The following DOCK2 variants were observed in gnomAD, a reference collection of about 807,000 sequenced individuals.
DOCK2 encodes dedicator of cytokinesis protein 2.
Under a neutral mutation model 248.9 loss-of-function variants are expected in DOCK2, and 87 were observed. The observed-to-expected ratio is 0.35, with a 90% CI of 0.29 to 0.42. DOCK2 has a LOEUF of 0.42. DOCK2 is among the 10% of genes least tolerant of loss of function. The probability of loss-of-function intolerance (pLI) is 1.00; values close to 1 mark genes in which losing one functional copy is unlikely to be tolerated. For missense variants in DOCK2, 1,747 were observed against 2,300.2 expected (o/e 0.76, Z 4.92); for synonymous variants, 805 against 821.6 (o/e 0.98, Z 0.35).
intron 27 of DOCK2, among the ~76,000 whole-genome samples, chr5:169,959,236 C>CA (rs555651142): frequency 9.2e-5 from 14 of 151,518 alleles, no homozygotes; most frequent in East Asian, 1.9e-4. Flanking sequence ...ACTAAAAATA[C>CA]AAAAAAAATA....
intron 32 of DOCK2, among the ~76,000 whole-genome samples, chr5:170,015,787 TC>T (rs1311181264): frequency 1.3e-5 from 2 of 149,388 alleles, no homozygotes; most frequent in Non-Finnish European, 3.0e-5. Context: ...AAAGCCTCCC[TC>T]CCTCCCTCCT....
At chr5:169,945,225 C>A (rs1776397797) in intron 27 of DOCK2, among the ~76,000 whole-genome samples, 1 of 152,222 alleles carries the variant, frequency 6.6e-6, no homozygotes, top group Admixed American at 6.5e-5. Flanking sequence ...AGTCATGCAA[C>A]CTCTCCAGGA....
At chr5:169,996,997 A>G (rs997384537) in intron 30 of DOCK2, among the ~76,000 whole-genome samples, 1 of 152,110 alleles carries the variant, frequency 6.6e-6, no homozygotes, top group African/African-American at 2.4e-5. Context: ...CCGGGGAACC[A>G]GTGTTCAGCA....
chr5:169,690,858 T>C (rs946449674), intron 9 of DOCK2, among the ~76,000 whole-genome samples: 1 of 152,186 alleles, frequency 6.6e-6, no homozygotes, highest in Non-Finnish European at 1.5e-5. Flanking sequence ...CCTCCGCTCC[T>C]CAGAACAAGT....
chr5:169,803,176 C>T lies in DOCK2; in HGVS notation c.2673C>T (p.Ser891=). 6.2e-7 allele frequency: 1 copy of T among 1,613,960 alleles called. No individual in the cohort carries two copies. The highest frequency in any genetic ancestry group is 8.5e-7 in the Non-Finnish European group (1 of 1,179,942). Residue 891 remains serine, a synonymous_variant, in exon 26 of 52, where the codon AGC becomes AGT. Transcript: ENST00000520908. ...AGTACTGCGTTGAATTGCTCAACAG[C>T]ATCTTGGAAGTCCTTAGCTACCAGG... The part of the protein sequence containing the change: ...ERKYCVELLN[S]ILEVLSYQDA...
In DOCK2 at chr5:169,698,456, C is replaced by T; in HGVS notation, c.1055+7C>T. 2 of 1,613,802 alleles carry T rather than the reference C, an allele frequency of 1.2e-6. No individual in the cohort carries two copies. The highest frequency in any genetic ancestry group is 1.7e-6 in the Non-Finnish European group (2 of 1,179,726). The stretch of plus-strand genomic sequence containing the variant: ...ACTTCATTCCTTTTCACCCGTAAGA[C>T]ATTTCCCATTTCTTTCCATTCTCTT... On this transcript the variant is annotated splice_region_variant and intron_variant, in intron 11 of 51. Coordinates refer to ENST00000520908, the MANE Select transcript of DOCK2 (RefSeq NM_004946.3).
intron 27 of DOCK2, among the ~76,000 whole-genome samples, chr5:169,948,782 A>G (rs1679441378): frequency 6.6e-6 from 1 of 151,696 alleles, no homozygotes; most frequent in African/African-American, 2.4e-5. Flanking sequence ...CTGGCTCACA[A>G]CTACTTTCTG....
intron 27 of DOCK2, among the ~76,000 whole-genome samples, chr5:169,881,011 G>A (rs1772610728): frequency 6.6e-6 from 1 of 152,198 alleles, no homozygotes; most frequent in South Asian, 2.1e-4. Flanking sequence ...GAAAAATCTG[G>A]ATGTGAGTCC....
chr5:170,056,082 G>C (rs912720359), intron 42 of DOCK2, among the ~76,000 whole-genome samples: 1 of 152,208 alleles, frequency 6.6e-6, no homozygotes, highest in Non-Finnish European at 1.5e-5. Context: ...TGCTTTGCAA[G>C]ATGAAGGACC....
chr5:169,750,711 C>T (rs1581136935), intron 23 of DOCK2, among the ~76,000 whole-genome samples: 1 of 152,308 alleles, frequency 6.6e-6, no homozygotes, highest in Non-Finnish European at 1.5e-5. Context: ...TTTCAATTTG[C>T]TCTAAGGGTC....
intron 27 of DOCK2, among the ~76,000 whole-genome samples, chr5:169,896,624 A>G (rs1166413245): frequency 6.6e-6 from 1 of 152,250 alleles, no homozygotes; most frequent in Non-Finnish European, 1.5e-5. Context: ...TTTGGCTCCT[A>G]TTATGATTAC....
chr5:169,710,041 A>G (rs1761489787), intron 15 of DOCK2, among the ~76,000 whole-genome samples: 1 of 152,256 alleles, frequency 6.6e-6, no homozygotes. Flanking sequence ...TGAACAACAT[A>G]TGAGAATATA....
intron 51 of DOCK2, among the ~76,000 whole-genome samples, chr5:170,082,350 C>T (rs1364813666): frequency 8.5e-5 from 13 of 152,184 alleles, no homozygotes; most frequent in Admixed American, 6.5e-4. Context: ...GCTGATTCTG[C>T]AAGTCCCATC....
At chr5:170,062,731 T>A (rs1757374997) in intron 44 of DOCK2, among the ~76,000 whole-genome samples, 1 of 151,996 alleles carries the variant, frequency 6.6e-6, no homozygotes, top group African/African-American at 2.4e-5. Context: ...AATCAGTGGT[T>A]TTATATGGGT....
At chr5:169,654,322 T>A in intron 1 of DOCK2, 81 bp from the exon 2 acceptor site, 1 of 1,528,798 alleles carries the variant, frequency 6.5e-7, no homozygotes, top group Non-Finnish European at 9.0e-7. Context: ...TGGGATGGAC[T>A]TGAGGCAGGG....
At chr5:169,873,942 G>A (rs748758106) in intron 27 of DOCK2, among the ~76,000 whole-genome samples, 2 of 152,130 alleles carry the variant, frequency 1.3e-5, no homozygotes, top group Non-Finnish European at 2.9e-5. Context: ...CTGCATTCCA[G>A]GGAGCCTCCT....
intron 26 of DOCK2, among the ~76,000 whole-genome samples, chr5:169,810,468 G>C (rs1359998375): frequency 1.3e-5 from 2 of 152,206 alleles, no homozygotes; most frequent in Non-Finnish European, 2.9e-5. Context: ...GTATCTAAAA[G>C]ACAGAAGGAG....
chr5:169,988,813 G>A (rs529447055), intron 29 of DOCK2, among the ~76,000 whole-genome samples: 1 of 152,264 alleles, frequency 6.6e-6, no homozygotes, highest in Admixed American at 6.5e-5. Context: ...GCCCAGAGAG[G>A]TGAAATGACT....
intron 29 of DOCK2, among the ~76,000 whole-genome samples, chr5:169,990,776 C>G (rs1778186453): frequency 1.3e-5 from 2 of 152,218 alleles, no homozygotes; most frequent in Non-Finnish European, 2.9e-5. Flanking sequence ...GTGGCCTTTT[C>G]TCTCCCTTGG....
Sources: gnomAD v4.1 joint callset for allele counts (sites outside exome capture counted in the v4.1 genomes callset) on GRCh38, gnomAD v4.1.1 for gene constraint, MANE v1.5 for transcripts, NCBI Gene and HGNC (gene_info 2026-07-23, HGNC 2026-07-21) for gene names.